The following CDH11 variants were observed in gnomAD, a reference collection of about 807,000 sequenced individuals.
CDH11 encodes the protein cadherin 11.
A neutral mutation model predicts 67.8 loss-of-function variants in CDH11; 11 were observed. The observed-to-expected ratio is 0.16, with a 90% CI of 0.10 to 0.27. The LOEUF is 0.27. CDH11 is among the 10% of genes least tolerant of loss of function. The probability of loss-of-function intolerance (pLI) is 1.00; values close to 1 mark genes in which losing one functional copy is unlikely to be tolerated. For missense variants in CDH11, 847 were observed against 1,031.2 expected, an observed-to-expected ratio of 0.82 and a Z score of 2.45; for synonymous variants, 419 against 400.0, an observed-to-expected ratio of 1.05 and a Z score of -0.57.
chr16:65,081,178 A>G (rs2074602830), intron 1 of CDH11, among the ~76,000 whole-genome samples: 1 of 152,178 alleles, frequency 6.6e-6, no homozygotes, highest in South Asian at 2.1e-4. Flanking sequence ...ATCAAATTAC[A>G]TGTTCTGAAT....
At chr16:65,060,237 C>T (rs1404310833) in intron 1 of CDH11, among the ~76,000 whole-genome samples, 1 of 152,048 alleles carries the variant, frequency 6.6e-6, no homozygotes. Flanking sequence ...GCTCCAAAGA[C>T]TCTTCCCCTC....
chr16:65,038,627 A>C (rs76204374), intron 2 of CDH11, among the ~76,000 whole-genome samples: 1 of 152,224 alleles, frequency 6.6e-6, no homozygotes, highest in Non-Finnish European at 1.5e-5. Context: ...TGGATCCCAC[A>C]TCTCTATCGT....
At chr16:64,976,668 A>G (rs1226223150) in intron 8 of CDH11, among the ~76,000 whole-genome samples, 1 of 152,190 alleles carries the variant, frequency 6.6e-6, no homozygotes, top group Non-Finnish European at 1.5e-5. Flanking sequence ...TAGCCTGGTT[A>G]ACATGGTGAA....
chr16:64,946,284 G>C lies in CDH11; in HGVS notation c.*1319C>G, dbSNP rs530739864. Reference sequence around the variant, plus strand: ...CAATAGCCTGGTAAGTTCAACAGAAGAAAAAATAGAATAACATTAGAGTCT... The same window carrying C: ...CAATAGCCTGGTAAGTTCAACAGAACAAAAAATAGAATAACATTAGAGTCT... On this transcript the variant is annotated 3_prime_UTR_variant, in exon 13 of 13. Coordinates refer to ENST00000268603, the MANE Select transcript of CDH11 (RefSeq NM_001797.4). 6.7e-6 allele frequency: 7 copies of C among 1,045,764 alleles called. No homozygotes were observed. The highest frequency in any genetic ancestry group is 4.3e-4 in the Middle Eastern group (1 of 2,318). 64.8% of individuals were successfully genotyped at this position (1,045,764 alleles called of 1,614,324 possible).
intron 1 of CDH11, among the ~76,000 whole-genome samples, chr16:65,113,345 C>G (rs750160301): frequency 2.6e-5 from 4 of 152,138 alleles, no homozygotes; most frequent in Non-Finnish European, 5.9e-5. Context: ...GGTTAAGAGC[C>G]TCAAGAGCAC....
intron 2 of CDH11, among the ~76,000 whole-genome samples, chr16:65,015,719 T>C (rs138274645): frequency 6.6e-6 from 1 of 152,306 alleles, no homozygotes; most frequent in Admixed American, 6.5e-5. Flanking sequence ...ACAATCTGCA[T>C]ATTCTCCCTG....
chr16:65,068,746 C>A (rs1430085614), intron 1 of CDH11, among the ~76,000 whole-genome samples: 1 of 152,174 alleles, frequency 6.6e-6, no homozygotes, highest in Non-Finnish European at 1.5e-5. Context: ...ACCAGGTTAG[C>A]ACTTCTAAGC....
intron 6 of CDH11, among the ~76,000 whole-genome samples, chr16:64,989,795 G>A (rs1445017010): frequency 2.0e-5 from 3 of 152,168 alleles, no homozygotes; most frequent in Non-Finnish European, 4.4e-5. Context: ...ACACAATATA[G>A]GGAAGCCAGG....
intron 2 of CDH11, among the ~76,000 whole-genome samples, chr16:65,007,300 G>T (rs886641721): frequency 6.6e-6 from 1 of 152,102 alleles, no homozygotes; most frequent in Non-Finnish European, 1.5e-5. Flanking sequence ...CTTTGGGATG[G>T]TATTATGTTA....
At chr16:65,097,539 T>C (rs954584254) in intron 1 of CDH11, among the ~76,000 whole-genome samples, 3 of 152,210 alleles carry the variant, frequency 2.0e-5, no homozygotes, top group Non-Finnish European at 2.9e-5. Context: ...ATCCACTTGA[T>C]GCCAGCAGCA....
At chr16:64,948,808 C>T in intron 12 of CDH11, 1 of 1,540,280 alleles carries the variant, frequency 6.5e-7, no homozygotes, top group Non-Finnish European at 8.8e-7. Context: ...TGATCAGAGT[C>T]ATTTATAAGG....
At chr16:65,109,378 A>T (rs1407556703) in intron 1 of CDH11, among the ~76,000 whole-genome samples, 1 of 152,314 alleles carries the variant, frequency 6.6e-6, no homozygotes, top group Admixed American at 6.5e-5. Flanking sequence ...AAGGTGTATC[A>T]GAAAAGTTGT....
intron 1 of CDH11, among the ~76,000 whole-genome samples, chr16:65,060,873 T>C (rs1567555091): frequency 1.3e-5 from 2 of 152,168 alleles, no homozygotes; most frequent in Non-Finnish European, 2.9e-5. Flanking sequence ...ATTCCACATT[T>C]ATTAACACAG....
chr16:64,964,723 T>A (rs1337895574), intron 11 of CDH11, among the ~76,000 whole-genome samples: 1 of 151,884 alleles, frequency 6.6e-6, no homozygotes, highest in East Asian at 2.0e-4. Context: ...TAATTTTTTG[T>A]ATTTTTAGTA....
At chr16:65,051,361 T>C (rs1282807323) in intron 2 of CDH11, among the ~76,000 whole-genome samples, 1 of 152,164 alleles carries the variant, frequency 6.6e-6, no homozygotes, top group Non-Finnish European at 1.5e-5. Context: ...ATAGCTTGTG[T>C]GGGCTGCAGG....
chr16:65,112,692 T>C (rs533521446), intron 1 of CDH11, among the ~76,000 whole-genome samples: 1 of 152,304 alleles, frequency 6.6e-6, no homozygotes, highest in African/African-American at 2.4e-5. Flanking sequence ...ACATCATTCT[T>C]ACTCTGTTCT....
chr16:65,091,004 G>A (rs184620992), intron 1 of CDH11, among the ~76,000 whole-genome samples: 1 of 152,264 alleles, frequency 6.6e-6, no homozygotes, highest in Admixed American at 6.5e-5. Flanking sequence ...ACTGCTGCTG[G>A]CATTTTGCCA....
In CDH11 at chr16:65,028,942, G is replaced by A. The variant is rs12919562; in HGVS notation, c.-172-23901C>T. On this transcript the variant is annotated intron_variant, in intron 2 of 12. Transcript: ENST00000268603. ...AGGACCTAGGGGCAGGGGAAAATAG[G>A]GAGTTCTTTATTTATGAACCAGCAG... 8.6e-3 allele frequency among the ~76,000 whole-genome samples: 1,316 copies of A among 152,168 alleles called. 8 individuals carry two copies. Among genetic ancestry groups the A allele is most frequent in the Middle Eastern group, 0.024 (7 of 294 alleles).
chr16:65,040,014 T>C (rs1474809900), intron 2 of CDH11, among the ~76,000 whole-genome samples: 1 of 152,168 alleles, frequency 6.6e-6, no homozygotes, highest in Non-Finnish European at 1.5e-5. Flanking sequence ...TGAGATACCA[T>C]CTCATACCAG....
Sources: allele counts gnomAD v4.1 joint callset (sites outside exome capture counted in the v4.1 genomes callset), GRCh38; gene constraint gnomAD v4.1.1; transcripts MANE v1.5; gene names NCBI Gene and HGNC (gene_info 2026-07-23, HGNC 2026-07-21).